ENOX1: variants seen among roughly 807,000 people sequenced by gnomAD.
ENOX1 encodes the protein ecto-NOX disulfide-thiol exchanger 1.
In ENOX1, 42 loss-of-function variants were observed where a neutral mutation model predicts 82.5. The observed-to-expected ratio is 0.51, with a 90% CI of 0.40 to 0.66. The LOEUF (loss-of-function observed/expected upper bound fraction) is 0.66, where lower values mean the gene tolerates loss of function less well. ENOX1 is among the 30% of genes least tolerant of loss of function. The pLI is 0.00. For missense variants in ENOX1, 608 were observed against 811.6 expected (o/e 0.75, Z 3.05); for synonymous variants, 271 against 282.2 (o/e 0.96, Z 0.40).
At chr13:43,314,005 G>A (rs2047349827) in intron 11 of ENOX1, among the ~76,000 whole-genome samples, 1 of 152,160 alleles carries the variant, frequency 6.6e-6, no homozygotes, top group African/African-American at 2.4e-5. Context: ...ACCCTGCAAT[G>A]CCCTGCCGGA....
intron 1 of ENOX1, among the ~76,000 whole-genome samples, chr13:43,740,301 GA>G (rs1227386151): frequency 2.0e-5 from 3 of 152,012 alleles, no homozygotes; most frequent in African/African-American, 7.3e-5. Context: ...AAAGAGAAGG[GA>G]AACCATTGGA....
chr13:43,403,839 CAA>C (rs59860320), intron 5 of ENOX1, among the ~76,000 whole-genome samples: 1 of 143,236 alleles, frequency 7.0e-6, no homozygotes, highest in African/African-American at 2.5e-5. Context: ...AATCTTGTCT[CAA>C]AAAAAAAAAT....
intron 12 of ENOX1, among the ~76,000 whole-genome samples, chr13:43,285,839 T>C (rs886460866): frequency 3.0e-4 from 39 of 131,812 alleles, no homozygotes; most frequent in Non-Finnish European, 5.7e-4. Flanking sequence ...AAAAGAGGAA[T>C]TCCCCCCTCT....
At chr13:43,436,027 G>A (rs6561126) in intron 3 of ENOX1, among the ~76,000 whole-genome samples, 64,940 of 151,566 alleles carry the variant, frequency 0.43, 14,497 homozygotes, top group South Asian at 0.56. Context: ...GTGTGAAATC[G>A]GGAGCGTTGG....
intron 2 of ENOX1, chr13:43,546,983 C>T (rs897721090): frequency 1.3e-5 from 2 of 152,218 alleles, no homozygotes; most frequent in African/African-American, 4.8e-5. Flanking sequence ...GACTAAACTG[C>T]TTTTCTTCCC....
At chr13:43,710,856 C>A (rs1361721233) in intron 1 of ENOX1, among the ~76,000 whole-genome samples, 4 of 148,758 alleles carry the variant, frequency 2.7e-5, no homozygotes, top group Admixed American at 2.0e-4. Context: ...ATAGCATCCA[C>A]AATAAAAGAA....
intron 2 of ENOX1, among the ~76,000 whole-genome samples, chr13:43,650,940 C>T (rs754355504): frequency 6.6e-6 from 1 of 152,184 alleles, no homozygotes; most frequent in Non-Finnish European, 1.5e-5. Flanking sequence ...GTCCCTCAAT[C>T]CAACCTTTTT....
At chr13:43,782,085 A>C (rs1423411522) in intron 1 of ENOX1, among the ~76,000 whole-genome samples, 2 of 152,252 alleles carry the variant, frequency 1.3e-5, no homozygotes, top group Non-Finnish European at 2.9e-5. Context: ...AAAGAAACAC[A>C]AATCAGGCCC....
chr13:43,404,697 G>A (rs1013548166), intron 5 of ENOX1, among the ~76,000 whole-genome samples: 4 of 152,186 alleles, frequency 2.6e-5, no homozygotes, highest in African/African-American at 7.2e-5. Flanking sequence ...GCCAATTGCT[G>A]TTCCTCTAGT....
chr13:43,676,508 G>A (rs2085517559), intron 1 of ENOX1, among the ~76,000 whole-genome samples: 1 of 152,184 alleles, frequency 6.6e-6, no homozygotes, highest in Non-Finnish European at 1.5e-5. Context: ...GTGAAGGGGT[G>A]TCCGCCTCTA....
chr13:43,406,685 G>A (rs2053820029), intron 5 of ENOX1, among the ~76,000 whole-genome samples: 3 of 151,934 alleles, frequency 2.0e-5, no homozygotes, highest in South Asian at 4.2e-4. Context: ...AGTAGAGATG[G>A]GGTTTCACCG....
At chr13:43,611,342 A>G (rs1387018935) in intron 2 of ENOX1, among the ~76,000 whole-genome samples, 1 of 152,224 alleles carries the variant, frequency 6.6e-6, no homozygotes, top group Non-Finnish European at 1.5e-5. Context: ...AATGTTAAAT[A>G]TATACTGAAG....
At chr13:43,456,132 G>A (rs1162176732) in intron 3 of ENOX1, among the ~76,000 whole-genome samples, 1 of 151,682 alleles carries the variant, frequency 6.6e-6, no homozygotes, top group East Asian at 1.9e-4. Flanking sequence ...TTATTTTATA[G>A]ATATAACAGT....
Position 43,417,242 on chromosome 13 carries a change from C to G in ENOX1, c.-74-4254G>C, listed in dbSNP as rs1158909469. 1.3e-3 allele frequency among the ~76,000 whole-genome samples: 105 copies of G among 82,846 alleles called. 2 individuals carry two copies. The highest frequency in any genetic ancestry group is 4.4e-3 in the African/African-American group (95 of 21,696). 54.4% of individuals were successfully genotyped at this position (82,846 alleles called of 152,430 possible). On this transcript the variant is annotated intron_variant, in intron 3 of 16. Coordinates refer to ENST00000690772, the MANE Select transcript of ENOX1 (RefSeq NM_001347969.2). ...GAGACGGGAGACGGGAGACGGGAGA[C>G]GGGAGAGGGAGAGGGAGAGGGAGAG...
At chr13:43,236,942 G>A (rs979221348) in intron 14 of ENOX1, among the ~76,000 whole-genome samples, 1 of 152,142 alleles carries the variant, frequency 6.6e-6, no homozygotes, top group East Asian at 1.9e-4. Context: ...ACTGCTCCCC[G>A]CATACCAAGT....
At chr13:43,504,630 G>A (rs1479274796) in intron 2 of ENOX1, among the ~76,000 whole-genome samples, 1 of 151,582 alleles carries the variant, frequency 6.6e-6, no homozygotes, top group Non-Finnish European at 1.5e-5. Context: ...ACTCATAAAA[G>A]CAGATAGAAT....
At chr13:43,623,723 A>G (rs1472581408) in intron 2 of ENOX1, among the ~76,000 whole-genome samples, 1 of 152,126 alleles carries the variant, frequency 6.6e-6, no homozygotes, top group African/African-American at 2.4e-5. Context: ...CCAGAGATGC[A>G]ATCTAGTCCT....
chr13:43,694,649 T>C (rs1346040247), intron 1 of ENOX1, among the ~76,000 whole-genome samples: 2 of 152,238 alleles, frequency 1.3e-5, no homozygotes, highest in Non-Finnish European at 2.9e-5. Context: ...ACTTTTATAA[T>C]GCCACATATG....
chr13:43,526,070 C>G (rs1593635593), intron 2 of ENOX1, among the ~76,000 whole-genome samples: 2 of 152,088 alleles, frequency 1.3e-5, no homozygotes, highest in Non-Finnish European at 2.9e-5. Context: ...GCTTAACAAA[C>G]AATGCTCTAT....
Sources: allele counts gnomAD v4.1 joint callset (sites outside exome capture counted in the v4.1 genomes callset), GRCh38; gene constraint gnomAD v4.1.1; transcripts MANE v1.5; gene names NCBI Gene and HGNC (gene_info 2026-07-23, HGNC 2026-07-21).